DENND4A: variants seen among roughly 807,000 people sequenced by gnomAD.
DENND4A encodes the protein C-myc promoter-binding protein.
DENND4A carries 70 observed loss-of-function variants against 199.3 expected under a neutral mutation model. The observed-to-expected ratio is 0.35, with a 90% confidence interval of 0.29 to 0.43. DENND4A has a LOEUF of 0.43. DENND4A is among the 20% of genes least tolerant of loss of function. DENND4A has a pLI of 1.00. For synonymous variants in DENND4A, 686 were observed against 766.9 expected (o/e 0.89, Z 1.74); for missense variants, 1,723 against 2,255.8 (o/e 0.76, Z 4.78).
Position 65,676,461 on chromosome 15 carries a change from ACTT to A in DENND4A, c.4350_4352del (p.Glu1450_Ser1451delinsAsp). 6.2e-7 allele frequency: 1 copy of A among 1,606,726 alleles called. No individual in the cohort carries two copies. Among genetic ancestry groups the A allele is most frequent in the Non-Finnish European group, 8.5e-7 (1 of 1,176,166 alleles). On this transcript the variant is annotated inframe_deletion, in exon 24 of 33. Coordinates refer to ENST00000443035, the MANE Select transcript of DENND4A (RefSeq NM_001320835.1). ...TGGACAAACCTTCCAAGGATGCAGAACTTTCCAGGCTTATTCGGCTGAGATCAA... is the reference window on the plus strand; with the variant it reads ...TGGACAAACCTTCCAAGGATGCAGAATCCAGGCTTATTCGGCTGAGATCAA...
chr15:65,767,872 G>A (rs969247775), intron 1 of DENND4A, among the ~76,000 whole-genome samples: 1 of 152,314 alleles, frequency 6.6e-6, no homozygotes. Flanking sequence ...GTGAGGGAAA[G>A]GGAATTGGAT....
intron 23 of DENND4A, among the ~76,000 whole-genome samples, chr15:65,679,228 G>C (rs2076488152): frequency 6.6e-6 from 1 of 150,496 alleles, no homozygotes; most frequent in Non-Finnish European, 1.5e-5. Flanking sequence ...CAGCCTCCCG[G>C]GTAGCTGGGA....
chr15:65,677,927 CTT>C (rs11071847), intron 23 of DENND4A, among the ~76,000 whole-genome samples: 7 of 100,100 alleles, frequency 7.0e-5, no homozygotes, highest in South Asian at 3.4e-4. Flanking sequence ...CCTCTTATCT[CTT>C]TTTTTTTTTT....
chr15:65,667,912 C>T lies in DENND4A; in HGVS notation c.4986+13G>A. 6.3e-7 allele frequency: 1 copy of T among 1,589,758 alleles called. No individual in the cohort carries two copies. The highest frequency in any genetic ancestry group is 1.9e-4 in the Middle Eastern group (1 of 5,176). On this transcript the variant is annotated intron_variant, in intron 28 of 32. Transcript: ENST00000443035. ...ATCAATTTCCAAATAAAAAAATACA[C>T]CAAAATACATACTGTAGCTCCTTGT...
chr15:65,687,653 G>A (rs1265527728), intron 23 of DENND4A, among the ~76,000 whole-genome samples: 1 of 152,102 alleles, frequency 6.6e-6, no homozygotes, highest in East Asian at 1.9e-4. Context: ...GAGTTGACAG[G>A]TCTTTTCTTC....
intron 22 of DENND4A, among the ~76,000 whole-genome samples, chr15:65,694,580 G>C (rs1221187978): frequency 6.6e-6 from 1 of 151,666 alleles, no homozygotes; most frequent in Non-Finnish European, 1.5e-5. Flanking sequence ...AACACACAAG[G>C]GTGTTCAATG....
At chr15:65,704,044 T>G (rs2142217489) in intron 15 of DENND4A, among the ~76,000 whole-genome samples, 1 of 152,274 alleles carries the variant, frequency 6.6e-6, no homozygotes, top group East Asian at 1.9e-4. Context: ...ATAGTCAAAT[T>G]CCATAGAATA....
chr15:65,762,818 A>G (rs373342960), intron 1 of DENND4A, among the ~76,000 whole-genome samples: 1 of 152,262 alleles, frequency 6.6e-6, no homozygotes, highest in South Asian at 2.1e-4. Flanking sequence ...GGGCTTAAGT[A>G]TATGTGGATT....
intron 1 of DENND4A, among the ~76,000 whole-genome samples, chr15:65,770,418 C>T (rs530488836): frequency 6.6e-6 from 1 of 152,146 alleles, no homozygotes; most frequent in Admixed American, 6.5e-5. Flanking sequence ...CTGTTGAAGA[C>T]CCTTTTAGTT....
chr15:65,687,922 CT>C (rs1419503828), intron 23 of DENND4A, among the ~76,000 whole-genome samples: 1 of 152,058 alleles, frequency 6.6e-6, no homozygotes, highest in Non-Finnish European at 1.5e-5. Context: ...ATCTATAAAT[CT>C]GTATCTTTTA....
Position 65,666,413 on chromosome 15 carries a change from C to T in DENND4A, c.5242-951G>A, listed in dbSNP as rs942068459. On this transcript the variant is annotated intron_variant, in intron 29 of 32. Transcript: ENST00000443035. ...GGTGGCATACACAGCGTGGATACACCGAACAAAGGGATGATTCACATCCCA... is the reference window on the plus strand; with the variant it reads ...GGTGGCATACACAGCGTGGATACACTGAACAAAGGGATGATTCACATCCCA... Among the ~76,000 whole-genome samples, 5 of 152,126 alleles carry T rather than the reference C, an allele frequency of 3.3e-5. 1 individual carries two copies. The highest frequency in any genetic ancestry group is 4.2e-4 in the South Asian group (2 of 4,818).
chr15:65,669,680 C>T (rs977199610), intron 27 of DENND4A, 99 bp downstream of exon 27: 1 of 992,992 alleles, frequency 1.0e-6, no homozygotes, highest in African/African-American at 1.6e-5. Flanking sequence ...TATTCATAGA[C>T]ATTTAAACCT....
intron 29 of DENND4A, among the ~76,000 whole-genome samples, chr15:65,666,839 C>A (rs556813128): frequency 3.4e-4 from 51 of 151,270 alleles, no homozygotes; most frequent in African/African-American, 1.1e-3. Flanking sequence ...GTAAGTGGGC[C>A]TAACTCACAA....
intron 14 of DENND4A, among the ~76,000 whole-genome samples, chr15:65,714,484 T>A (rs1413408495): frequency 4.0e-5 from 6 of 151,800 alleles, no homozygotes; most frequent in South Asian, 4.2e-4. Flanking sequence ...ATCTCCCCCA[T>A]ATGTAACATT....
chr15:65,759,365 C>G (rs1291041364), intron 2 of DENND4A, among the ~76,000 whole-genome samples: 1 of 152,038 alleles, frequency 6.6e-6, no homozygotes, highest in Non-Finnish European at 1.5e-5. Context: ...GTAGTCCCAG[C>G]TACTCGGGAG....
chr15:65,725,088 C>T (rs1339574244), intron 11 of DENND4A, among the ~76,000 whole-genome samples: 2 of 152,078 alleles, frequency 1.3e-5, no homozygotes, highest in Non-Finnish European at 2.9e-5. Context: ...TAAAACTTGG[C>T]TGGGTAAGGG....
At chr15:65,673,757 A>G (rs539510905) in intron 24 of DENND4A, among the ~76,000 whole-genome samples, 2 of 152,266 alleles carry the variant, frequency 1.3e-5, no homozygotes, top group South Asian at 4.2e-4. Context: ...CTGGTGGTAA[A>G]TGCAGTTCTT....
intron 14 of DENND4A, among the ~76,000 whole-genome samples, chr15:65,713,700 C>G (rs1482577018): frequency 2.0e-5 from 3 of 152,196 alleles, no homozygotes; most frequent in East Asian, 1.9e-4. Context: ...AAATTGACTT[C>G]TGTGTGTGTA....
rs2077177912 is a variant in DENND4A at position 65,697,226 on chromosome 15, A to G, written c.2950+41T>C. ...ATCACCTGCATTTTCTATGAATATA[A>G]GTTCTCAATTTTATACAATATCAAC... On this transcript the variant is annotated intron_variant, in intron 21 of 32. Coordinates refer to ENST00000443035, the MANE Select transcript of DENND4A (RefSeq NM_001320835.1). 4 of 1,231,666 alleles carry G rather than the reference A, an allele frequency of 3.2e-6. No homozygotes were observed. The South Asian group carries it at 5.4e-5, about 17-fold the overall frequency. The allele number at this position is 1,231,666 out of a possible 1,614,324, so 76.3% of individuals were successfully genotyped here.
Sources: allele counts gnomAD v4.1 joint callset (sites outside exome capture counted in the v4.1 genomes callset), GRCh38; gene constraint gnomAD v4.1.1; transcripts MANE v1.5; gene names NCBI Gene and HGNC (gene_info 2026-07-23, HGNC 2026-07-21).